Variants in APLF observed in about 807,000 individuals in gnomAD.
APLF encodes the protein aprataxin and PNKP like factor, also known as aprataxin and PNK-like factor.
Under a neutral mutation model 55.6 loss-of-function variants are expected in APLF, and 61 were observed. That is an observed-to-expected ratio of 1.10 (90% CI 0.89 to 1.36). The LOEUF (loss-of-function observed/expected upper bound fraction) is 1.36. APLF is among the 40% of genes most tolerant of loss of function. The probability of loss-of-function intolerance (pLI) is 0.00; values close to 1 mark genes in which losing one functional copy is unlikely to be tolerated. For synonymous variants in APLF, 207 were observed against 214.8 expected, an observed-to-expected ratio of 0.96 and a Z score of 0.32; for missense variants, 611 against 602.5, an observed-to-expected ratio of 1.01 and a Z score of -0.15.
At chr2:68,540,221 T>G (rs1426076465) in intron 7 of APLF, among the ~76,000 whole-genome samples, 1 of 152,098 alleles carries the variant, frequency 6.6e-6, no homozygotes, top group Non-Finnish European at 1.5e-5. Flanking sequence ...CCATGTGTTC[T>G]CATTGTTCAA....
chr2:68,565,941 TG>T (rs1671296363), intron 8 of APLF, among the ~76,000 whole-genome samples: 1 of 152,010 alleles, frequency 6.6e-6, no homozygotes, highest in African/African-American at 2.4e-5. Context: ...AGCACAAACC[TG>T]GGGGTGAACT....
At chr2:68,537,789 A>C (rs1670436630) in intron 6 of APLF, 83 bp from the exon 7 acceptor site, 1 of 993,780 alleles carries the variant, frequency 1.0e-6, no homozygotes. Context: ...TTTTGCATGG[A>C]TCTTGTAGTT....
At chr2:68,513,734 T>G in intron 5 of APLF, 54 bp downstream of exon 5, 8 of 1,583,848 alleles carry the variant, frequency 5.1e-6, no homozygotes, top group Non-Finnish European at 6.9e-6. Context: ...AAACAGAATT[T>G]GAAAGCTTTT....
intron 5 of APLF, among the ~76,000 whole-genome samples, chr2:68,521,754 A>C (rs895390025): frequency 1.3e-5 from 2 of 151,942 alleles, no homozygotes; most frequent in Non-Finnish European, 2.9e-5. Context: ...AAGTTGTAAA[A>C]AGTGGCACAT....
intron 1 of APLF, among the ~76,000 whole-genome samples, 168 bp downstream of exon 1, chr2:68,467,995 A>G (rs950720212): frequency 6.6e-6 from 1 of 152,288 alleles, no homozygotes; most frequent in Middle Eastern, 3.4e-3. Context: ...CCAATTCACA[A>G]ACATTTCTTT....
At chr2:68,545,068 G>A in intron 7 of APLF, 119 bp from the exon 8 acceptor site, 2 of 1,172,510 alleles carry the variant, frequency 1.7e-6, no homozygotes, top group Non-Finnish European at 2.4e-6. Context: ...CATCAATGTA[G>A]CATGTTGGTT....
At chr2:68,544,402 T>C (rs1031110071) in intron 7 of APLF, among the ~76,000 whole-genome samples, 7 of 152,182 alleles carry the variant, frequency 4.6e-5, no homozygotes, top group East Asian at 1.9e-4. Context: ...TTGTTAATGA[T>C]TGAATGCAGA....
At chr2:68,550,580 G>A (rs1428271819) in intron 8 of APLF, among the ~76,000 whole-genome samples, 2 of 151,690 alleles carry the variant, frequency 1.3e-5, no homozygotes, top group African/African-American at 2.4e-5. Flanking sequence ...TTTCTTTTTT[G>A]TATTTGTTTT....
rs1208463109 is a variant in APLF at position 68,564,303 on chromosome 2, T to C, written c.1287-3038T>C. Among the ~76,000 whole-genome samples, 3 of 152,124 alleles carry C rather than the reference T, an allele frequency of 2.0e-5. No individual in the cohort carries two copies. In the East Asian group the frequency reaches 5.8e-4, roughly 29 times the overall value. ...TTTCTTTTTCATCAAAAGGTCAAAT[T>C]TGGGTTAGTTATGCTAAACACACAA... On this transcript the variant is annotated intron_variant, in intron 8 of 9. Transcript: ENST00000303795.
intron 5 of APLF, among the ~76,000 whole-genome samples, chr2:68,517,998 A>T (rs1444627737): frequency 7.1e-6 from 1 of 140,782 alleles, no homozygotes; most frequent in African/African-American, 2.6e-5. Flanking sequence ...AATATGTGTT[A>T]ATATATAACA....
intron 5 of APLF, among the ~76,000 whole-genome samples, chr2:68,521,952 C>A (rs1476163796): frequency 6.6e-6 from 1 of 151,832 alleles, no homozygotes; most frequent in African/African-American, 2.4e-5. Context: ...TACTTTGTTT[C>A]CAGCAACTTT....
chr2:68,467,903 C>A, intron 1 of APLF, 76 bp downstream of exon 1: 1 of 1,131,014 alleles, frequency 8.8e-7, no homozygotes, highest in Non-Finnish European at 1.1e-6. Context: ...CGGCCCTAGT[C>A]CTGGCCGGTT....
intron 9 of APLF, among the ~76,000 whole-genome samples, chr2:68,570,288 AT>A (rs34613180): frequency 0.13 from 15,346 of 120,136 alleles, 1,003 homozygotes; most frequent in African/African-American, 0.34. Flanking sequence ...TTTTTTTTTA[AT>A]ATATATATAT....
intron 5 of APLF, among the ~76,000 whole-genome samples, chr2:68,521,397 A>G (rs1307353293): frequency 1.3e-5 from 2 of 151,936 alleles, no homozygotes; most frequent in African/African-American, 4.8e-5. Flanking sequence ...GCTATGATGA[A>G]TAGAAGTGTT....
At chr2:68,549,987 C>T (rs936799689) in intron 8 of APLF, among the ~76,000 whole-genome samples, 23 of 152,042 alleles carry the variant, frequency 1.5e-4, no homozygotes, top group African/African-American at 4.8e-4. Context: ...TGTAACCTGT[C>T]GGAGTGTTGG....
At chr2:68,523,767 T>C (rs1669955532) in intron 5 of APLF, among the ~76,000 whole-genome samples, 1 of 151,878 alleles carries the variant, frequency 6.6e-6, no homozygotes, top group Admixed American at 6.6e-5. Context: ...TAAATAAAAA[T>C]GGTCAAACCT....
chr2:68,551,084 C>G (rs527551302), intron 8 of APLF, among the ~76,000 whole-genome samples: 8 of 151,902 alleles, frequency 5.3e-5, no homozygotes, highest in South Asian at 4.1e-4. Context: ...TGAAAGTGTT[C>G]TTATTTTAAA....
chr2:68,480,196 T>C (rs1228539014), intron 1 of APLF, among the ~76,000 whole-genome samples: 2 of 152,100 alleles, frequency 1.3e-5, no homozygotes, highest in Admixed American at 1.3e-4. Flanking sequence ...CAGTTTTAAG[T>C]GTTCTTTTGG....
At chr2:68,518,148 T>A (rs993945651) in intron 5 of APLF, among the ~76,000 whole-genome samples, 2 of 126,746 alleles carry the variant, frequency 1.6e-5, no homozygotes, top group Non-Finnish European at 3.1e-5. Context: ...TATAATAATA[T>A]ATTATTAATG....
Sources: allele counts gnomAD v4.1 joint callset (sites outside exome capture counted in the v4.1 genomes callset), GRCh38; gene constraint gnomAD v4.1.1; transcripts MANE v1.5; gene names NCBI Gene and HGNC (gene_info 2026-07-23, HGNC 2026-07-21).